The following C1orf159 variants were observed in gnomAD, a reference collection of about 807,000 sequenced individuals.
C1orf159 encodes the protein uncharacterized protein C1orf159.
In C1orf159, 19 loss-of-function variants were observed where a neutral mutation model predicts 25.6. The ratio of observed to expected loss-of-function variants is 0.74; its 90% CI spans 0.52 to 1.09. The LOEUF is 1.09. C1orf159 is among the 50% of genes least tolerant of loss of function. C1orf159 has a pLI of 0.00. For synonymous variants in C1orf159, 139 were observed against 124.7 expected (o/e 1.12, Z -0.77); for missense variants, 274 against 290.6 (o/e 0.94, Z 0.42).
chr1:1,102,698 T>C (rs1321173314), intron 1 of C1orf159, among the ~76,000 whole-genome samples: 1 of 145,998 alleles, frequency 6.8e-6, no homozygotes, highest in African/African-American at 2.5e-5. Flanking sequence ...CTCAGGAGGC[T>C]GAGGCAGGAG....
At chr1:1,092,261 C>T (rs994001036) in intron 1 of C1orf159, 158 bp from the exon 2 acceptor site, 4 of 246,358 alleles carry the variant, frequency 1.6e-5, no homozygotes, top group African/African-American at 4.7e-5. Context: ...GCTGTCTCCA[C>T]GAGTGTTTCC....
At chr1:1,098,825 C>T (rs759070145) in intron 1 of C1orf159, among the ~76,000 whole-genome samples, 2 of 152,068 alleles carry the variant, frequency 1.3e-5, no homozygotes, top group East Asian at 1.9e-4. Context: ...TTGGCTAGGT[C>T]GGTCCTGAAC....
chr1:1,097,102 G>A (rs1019118239), intron 1 of C1orf159, among the ~76,000 whole-genome samples: 2 of 151,802 alleles, frequency 1.3e-5, no homozygotes, highest in African/African-American at 4.8e-5. Context: ...TGATATTGGT[G>A]ATTTGTGCTA....
chr1:1,109,837 C>T (rs961182130), intron 1 of C1orf159, among the ~76,000 whole-genome samples: 1 of 152,138 alleles, frequency 6.6e-6, no homozygotes, highest in Non-Finnish European at 1.5e-5. Flanking sequence ...AAAGGTGAGG[C>T]GCGGCCCGGG....
At chr1:1,090,746 G>C (rs899025736) in intron 3 of C1orf159, 1 of 849,704 alleles carries the variant, frequency 1.2e-6, no homozygotes, top group African/African-American at 1.7e-5. Flanking sequence ...GCAAGTCTCC[G>C]GAGGCTCTCC....
chr1:1,089,404 G>A lies in C1orf159; in HGVS notation c.148+949C>T, dbSNP rs75864872. 0.014 allele frequency among the ~76,000 whole-genome samples: 2,092 copies of A among 152,200 alleles called. 45 individuals carry two copies. Among genetic ancestry groups the A allele is most frequent in the African/African-American group, 0.046 (1,921 of 41,524 alleles). On this transcript the variant is annotated intron_variant, in intron 4 of 9. Coordinates refer to ENST00000421241, the MANE Select transcript of C1orf159 (RefSeq NM_017891.5). This position sits in a 1 kb window ranked among gnomAD's most constrained non-coding sequence, Gnocchi z 7.5. ...AGCCACCAGGGCTTCAGCATCAGAC[G>A]ATGAGGACCCCAAGGTGCTCAGCTT...
chr1:1,114,261 G>A (rs1324575147), intron 1 of C1orf159, among the ~76,000 whole-genome samples: 1 of 152,108 alleles, frequency 6.6e-6, no homozygotes, highest in Non-Finnish European at 1.5e-5. Flanking sequence ...CCCTGGTAGA[G>A]GGGGGCCCCT....
At chr1:1,102,139 T>C (rs554201216) in intron 1 of C1orf159, among the ~76,000 whole-genome samples, 1 of 151,414 alleles carries the variant, frequency 6.6e-6, no homozygotes, top group South Asian at 2.1e-4. Context: ...TTTATTCTCA[T>C]TTATCCTGTT....
At chr1:1,101,479 TA>T (rs1646098732) in intron 1 of C1orf159, among the ~76,000 whole-genome samples, 1 of 151,728 alleles carries the variant, frequency 6.6e-6, no homozygotes, top group East Asian at 1.9e-4. Context: ...CAAGACTGTA[TA>T]AAAAAAAATT....
chr1:1,084,867 C>T (rs984414720), intron 7 of C1orf159, among the ~76,000 whole-genome samples: 4 of 152,114 alleles, frequency 2.6e-5, no homozygotes, highest in African/African-American at 9.7e-5. Flanking sequence ...GCTGCCCTCC[C>T]ACCCTCCCGG....
At chr1:1,101,923 T>G (rs11260592) in intron 1 of C1orf159, among the ~76,000 whole-genome samples, 2 of 151,116 alleles carry the variant, frequency 1.3e-5, no homozygotes, top group Non-Finnish European at 2.9e-5. Context: ...AATACAAAAA[T>G]TAATCGGGCA....
At chr1:1,097,299 G>T (rs1049282245) in intron 1 of C1orf159, among the ~76,000 whole-genome samples, 4 of 151,908 alleles carry the variant, frequency 2.6e-5, no homozygotes, top group African/African-American at 9.7e-5. Context: ...TAGAGACAGG[G>T]TTTCACCATG....
chr1:1,105,927 T>A (rs1646165069), intron 1 of C1orf159: 1 of 152,080 alleles, frequency 6.6e-6, no homozygotes, highest in Non-Finnish European at 1.5e-5. Context: ...AAAATAGTAA[T>A]AAGTGTGTTG....
In C1orf159 at chr1:1,082,958, G is replaced by T. The variant is rs750855618; in HGVS notation, c.532C>A (p.Arg178=). ...GGATCCGTGGCCCTGTCCAGGGGCC[G>T]CTCCCGCCTGACGTAGCGCGGCTTC... The part of the protein sequence containing the change: ...VRKPRYVRRE[R]PLDRATDPAA... The change falls in exon 10 of 10, where the codon CGG becomes AGG. Residue 178 remains arginine (R), a synonymous_variant. Coordinates refer to ENST00000421241, the MANE Select transcript of C1orf159 (RefSeq NM_017891.5). 5.6e-6 allele frequency: 9 copies of T among 1,602,004 alleles called. No individual in the cohort carries two copies. In the South Asian group the frequency reaches 1.0e-4, roughly 18 times the overall value.
Position 1,087,542 on chromosome 1 carries a change from G to C in C1orf159, c.204C>G (p.Asn68Lys). ...DGSASCVRCG[N>K]GTLPAYNGSE... ...AGCCGTTGTAGGCTGGGAGGGTTCC[G>C]TTCCCACAGCGGACGCAGCTGGCGC... The change falls in exon 5 of 10, where the codon AAC becomes AAG. Residue 68 changes from asparagine to lysine, a missense_variant. Physicochemically the swap from Asn to Lys is moderately conservative, Grantham distance 94. Coordinates refer to ENST00000421241, the MANE Select transcript of C1orf159 (RefSeq NM_017891.5). This position sits in a 1 kb window ranked among gnomAD's most constrained non-coding sequence, Gnocchi z 8.3. 6.5e-7 allele frequency: 1 copy of C among 1,549,564 alleles called. No individual in the cohort carries two copies. Among genetic ancestry groups the C allele is most frequent in the Non-Finnish European group, 8.7e-7 (1 of 1,146,672 alleles).
At chr1:1,096,706 T>G (rs1014371664) in intron 1 of C1orf159, among the ~76,000 whole-genome samples, 14 of 152,212 alleles carry the variant, frequency 9.2e-5, no homozygotes, top group Non-Finnish European at 2.9e-5. Flanking sequence ...CTACATTTAC[T>G]GGCCTAAAAT....
chr1:1,084,200 G>A (rs745427150), intron 9 of C1orf159, 153 bp downstream of exon 9: 2 of 1,522,692 alleles, frequency 1.3e-6, no homozygotes, highest in Admixed American at 4.3e-5. Context: ...ATCCGGCCCT[G>A]GCCCTGCCTT....
intron 2 of C1orf159, 67 bp from the exon 3 acceptor site, chr1:1,091,632 A>G: frequency 8.7e-7 from 1 of 1,155,082 alleles, no homozygotes; most frequent in Non-Finnish European, 1.3e-6. Context: ...GGGTGGGGCC[A>G]AATGAAAGTG....
intron 3 of C1orf159, 150 bp downstream of exon 3, chr1:1,091,322 C>T: frequency 1.2e-6 from 1 of 808,632 alleles, no homozygotes; most frequent in Non-Finnish European, 2.1e-6. Context: ...ACAGGCCCCT[C>T]TGACCCCAGC....
Sources: allele counts gnomAD v4.1 joint callset (sites outside exome capture counted in the v4.1 genomes callset), GRCh38; gene constraint gnomAD v4.1.1; non-coding constraint Gnocchi (gnomAD v3.1); transcripts MANE v1.5; gene names NCBI Gene and HGNC (gene_info 2026-07-23, HGNC 2026-07-21).